Variants in LRMDA observed in about 807,000 individuals in gnomAD.
LRMDA encodes leucine rich melanocyte differentiation associated.
Under a neutral mutation model 29.8 loss-of-function variants are expected in LRMDA, and 18 were observed. That is an observed-to-expected ratio of 0.60 (90% confidence interval 0.42 to 0.90). The LOEUF is 0.90. Among genes scored for constraint, LRMDA ranks in the 40% least tolerant of loss-of-function variants. The pLI is 0.00. For missense variants in LRMDA, 273 were observed against 273.9 expected, an observed-to-expected ratio of 1.00 and a Z score of 0.02; for synonymous variants, 125 against 109.4, an observed-to-expected ratio of 1.14 and a Z score of -0.89.
chr10:76,128,831 G>A (rs919037568), intron 5 of LRMDA, among the ~76,000 whole-genome samples: 3 of 152,096 alleles, frequency 2.0e-5, no homozygotes, highest in East Asian at 1.9e-4. Flanking sequence ...ACGTGAAAGC[G>A]TTGAGCAGGA....
intron 6 of LRMDA, among the ~76,000 whole-genome samples, chr10:76,400,826 C>T (rs1346234541): frequency 6.6e-6 from 1 of 152,136 alleles, no homozygotes; most frequent in African/African-American, 2.4e-5. Context: ...TCATAGGGGA[C>T]TGGTTTGAGA....
chr10:75,897,977 A>G (rs1029559165), intron 2 of LRMDA, among the ~76,000 whole-genome samples: 8 of 151,286 alleles, frequency 5.3e-5, no homozygotes, highest in Non-Finnish European at 7.4e-5. Context: ...ACCCACCACC[A>G]CGCCTGGCTA....
intron 2 of LRMDA, among the ~76,000 whole-genome samples, chr10:75,720,179 T>C (rs1235196938): frequency 6.6e-6 from 1 of 152,188 alleles, no homozygotes; most frequent in African/African-American, 2.4e-5. Flanking sequence ...TTGAGAATCC[T>C]GAGACGGCAC....
rs540157360 is a variant in LRMDA, at chr10:76,093,186, C to T, written c.516+34403C>T. Among the ~76,000 whole-genome samples, 11 of 151,996 alleles carry T rather than the reference C, an allele frequency of 7.2e-5. 1 individual carries two copies. The South Asian group carries it at 1.5e-3, about 20-fold the overall frequency. On this transcript the variant is annotated intron_variant, in intron 5 of 6. Transcript: ENST00000611255. ...CCGAGTAGCTGGGATTACAGGCGCC[C>T]GCCACCATGACCAGCTAATTTTTGT...
At chr10:75,675,778 T>TG (rs1841953040) in intron 2 of LRMDA, among the ~76,000 whole-genome samples, 1 of 152,206 alleles carries the variant, frequency 6.6e-6, no homozygotes, top group East Asian at 1.9e-4. Flanking sequence ...GTTCTAGATC[T>TG]GTTTCTCTTT....
intron 5 of LRMDA, among the ~76,000 whole-genome samples, chr10:76,300,402 C>T (rs1840465497): frequency 6.6e-6 from 1 of 152,146 alleles, no homozygotes; most frequent in South Asian, 2.1e-4. Context: ...AGATATTATC[C>T]ATTGATCATG....
chr10:75,905,386 C>T (rs1564602739), intron 2 of LRMDA, among the ~76,000 whole-genome samples: 1 of 151,764 alleles, frequency 6.6e-6, no homozygotes, highest in Admixed American at 6.6e-5. Context: ...CTATAGTTTA[C>T]AGTAATCTAT....
At chr10:76,281,745 A>C (rs866960468) in intron 5 of LRMDA, among the ~76,000 whole-genome samples, 1 of 152,144 alleles carries the variant, frequency 6.6e-6, no homozygotes, top group Non-Finnish European at 1.5e-5. Flanking sequence ...AAATCCTCCC[A>C]ATGCTGCCTC....
chr10:76,144,052 T>G (rs1404138644), intron 5 of LRMDA, among the ~76,000 whole-genome samples: 3 of 152,192 alleles, frequency 2.0e-5, no homozygotes, highest in Admixed American at 6.5e-5. Flanking sequence ...TTGGTCTATA[T>G]CTCTGTTTTG....
At chr10:75,498,462 G>A (rs1845074503) in intron 2 of LRMDA, among the ~76,000 whole-genome samples, 1 of 152,210 alleles carries the variant, frequency 6.6e-6, no homozygotes, top group African/African-American at 2.4e-5. Flanking sequence ...GTGTGTGCAC[G>A]AGTGTTTGCG....
chr10:75,532,791 A>C (rs528510743), intron 2 of LRMDA, among the ~76,000 whole-genome samples: 3 of 152,150 alleles, frequency 2.0e-5, no homozygotes, highest in Admixed American at 6.5e-5. Context: ...CTGGTGGCTC[A>C]GAGTCCCTGG....
At chr10:75,727,944 G>C (rs1842649391) in intron 2 of LRMDA, among the ~76,000 whole-genome samples, 1 of 152,072 alleles carries the variant, frequency 6.6e-6, no homozygotes, top group Non-Finnish European at 1.5e-5. Context: ...GGCCATCTTT[G>C]ATTTTTTTCC....
intron 5 of LRMDA, among the ~76,000 whole-genome samples, chr10:76,283,672 T>C (rs746836747): frequency 6.6e-6 from 1 of 151,666 alleles, no homozygotes; most frequent in Non-Finnish European, 1.5e-5. Flanking sequence ...AGAAAGGGAG[T>C]ATTATTGTGA....
At chr10:75,443,129 A>G (rs1322602102) in intron 2 of LRMDA, among the ~76,000 whole-genome samples, 1 of 152,082 alleles carries the variant, frequency 6.6e-6, no homozygotes, top group Non-Finnish European at 1.5e-5. Flanking sequence ...TTTTCTATGT[A>G]TAAGATCATG....
intron 4 of LRMDA, among the ~76,000 whole-genome samples, chr10:76,051,044 C>T (rs185544575): frequency 4.6e-5 from 7 of 152,338 alleles, no homozygotes; most frequent in Admixed American, 4.6e-4. Context: ...AAACGTGACA[C>T]CCTTTCTTTG....
chr10:76,045,832 C>T (rs1055956933), intron 3 of LRMDA, among the ~76,000 whole-genome samples: 6 of 152,046 alleles, frequency 3.9e-5, no homozygotes, highest in Admixed American at 2.0e-4. Context: ...GATTGCTTGG[C>T]AAATATTTTA....
intron 5 of LRMDA, among the ~76,000 whole-genome samples, chr10:76,282,786 AG>A (rs1840222577): frequency 6.6e-6 from 1 of 152,170 alleles, no homozygotes; most frequent in Non-Finnish European, 1.5e-5. Context: ...AGAAGGCCAA[AG>A]ATTGAAGTCA....
intron 6 of LRMDA, among the ~76,000 whole-genome samples, chr10:76,401,605 G>A (rs1300759549): frequency 3.3e-5 from 5 of 152,128 alleles, no homozygotes; most frequent in Non-Finnish European, 7.3e-5. Context: ...TCCCACCATG[G>A]CAGAGGCCTG....
rs1843172413 is a variant in LRMDA, at chr10:75,766,648, T to G, written c.132-269360T>G. On this transcript the variant is annotated intron_variant, in intron 2 of 6. Coordinates refer to ENST00000611255, the MANE Select transcript of LRMDA (RefSeq NM_001305581.2). ...TTTTTTAAAAATTTTAAATTTTACT[T>G]TAAGTTCTGGGATACATGTGCTGAA... is the stretch of plus-strand genomic sequence containing the variant. Among the ~76,000 whole-genome samples, 8 of 152,166 alleles carry G rather than the reference T, an allele frequency of 5.3e-5. No homozygotes were observed. The South Asian group carries it at 1.7e-3, about 32-fold the overall frequency.
Sources: allele counts gnomAD v4.1 joint callset (sites outside exome capture counted in the v4.1 genomes callset), GRCh38; gene constraint gnomAD v4.1.1; transcripts MANE v1.5; gene names NCBI Gene and HGNC (gene_info 2026-07-23, HGNC 2026-07-21).